LMO7: variants seen among roughly 807,000 people sequenced by gnomAD.
LMO7 encodes LIM domain 7.
A neutral mutation model predicts 206.5 loss-of-function variants in LMO7; 120 were observed. The ratio of observed to expected loss-of-function variants is 0.58; its 90% CI spans 0.50 to 0.68. The LOEUF is 0.68. Among genes scored for constraint, LMO7 ranks in the 30% least tolerant of loss-of-function variants. The pLI, the probability that LMO7 is intolerant of heterozygous loss-of-function variation, is 0.00. For missense variants in LMO7, 1,959 were observed against 1,957.9 expected (o/e 1.00, Z -0.01); for synonymous variants, 706 against 681.5 (o/e 1.04, Z -0.56).
chr13:75,836,520 C>G, intron 19 of LMO7, 63 bp downstream of exon 19: 1 of 856,236 alleles, frequency 1.2e-6, no homozygotes, highest in Non-Finnish European at 1.8e-6. Context: ...TCAAGTTCTG[C>G]TGTTATAAAA....
chr13:75,662,186 C>A (rs1249659515), intron 1 of LMO7, among the ~76,000 whole-genome samples: 1 of 152,102 alleles, frequency 6.6e-6, no homozygotes, highest in Non-Finnish European at 1.5e-5. Context: ...GCTATGGATT[C>A]TTTTATTAAA....
chr13:75,802,567 G>A (rs913964104), intron 7 of LMO7, among the ~76,000 whole-genome samples: 2 of 152,154 alleles, frequency 1.3e-5, no homozygotes, highest in African/African-American at 4.8e-5. Context: ...CCCACCCAGC[G>A]GTGTGGAATC....
In LMO7 at chr13:75,840,425, G is replaced by C. The variant is rs368955588; in HGVS notation, c.3512G>C (p.Trp1171Ser). Reference sequence around the variant, plus strand: ...CCAACCATCAGTGCCCCGAGTCGCTGGGTGTGGGATCAAGAGGAGGAGCGG... The same window carrying C: ...CCAACCATCAGTGCCCCGAGTCGCTCGGTGTGGGATCAAGAGGAGGAGCGG... The part of the protein sequence containing the change: ...PVPTISAPSR[W>S]VWDQEEERKR... The change falls in exon 22 of 31, where the codon TGG (tryptophan) becomes TCG (serine). Residue 1171 changes from tryptophan to serine, a missense_variant. By Grantham distance (177) the Trp-to-Ser change is radical. Coordinates refer to ENST00000377534, the MANE Select transcript of LMO7 (RefSeq NM_001306080.2). 1.0e-4 allele frequency: 165 copies of C among 1,613,950 alleles called. No homozygotes were observed. Among genetic ancestry groups the C allele is most frequent in the Non-Finnish European group, 1.4e-4 (160 of 1,180,008 alleles).
chr13:75,791,398 C>T (rs1180670632), intron 4 of LMO7, among the ~76,000 whole-genome samples: 1 of 152,176 alleles, frequency 6.6e-6, no homozygotes, highest in African/African-American at 2.4e-5. Flanking sequence ...TAATTGTTCT[C>T]TGACATTGTA....
At chr13:75,791,363 A>G (rs921608306) in intron 4 of LMO7, among the ~76,000 whole-genome samples, 2 of 152,164 alleles carry the variant, frequency 1.3e-5, no homozygotes, top group African/African-American at 4.8e-5. Context: ...GAAATTGGAC[A>G]TATTTGAAGT....
intron 1 of LMO7, among the ~76,000 whole-genome samples, chr13:75,680,750 G>T (rs1228612812): frequency 6.6e-6 from 1 of 151,900 alleles, no homozygotes; most frequent in Admixed American, 6.6e-5. Flanking sequence ...GCCCCAGTGT[G>T]TGATGTTCCC....
At chr13:75,830,348 A>C (rs1465937774) in intron 15 of LMO7, among the ~76,000 whole-genome samples, 1 of 152,136 alleles carries the variant, frequency 6.6e-6, no homozygotes, top group Admixed American at 6.6e-5. Context: ...CACCCACTTT[A>C]ATCCTTCTGT....
At chr13:75,744,258 G>A (rs532557193) in intron 3 of LMO7, among the ~76,000 whole-genome samples, 5 of 152,208 alleles carry the variant, frequency 3.3e-5, no homozygotes, top group African/African-American at 9.6e-5. Context: ...CCCTCATGAC[G>A]TGGCACTGCA....
At chr13:75,656,265 C>T (rs1261343481) in intron 1 of LMO7, among the ~76,000 whole-genome samples, 1 of 152,152 alleles carries the variant, frequency 6.6e-6, no homozygotes, top group Non-Finnish European at 1.5e-5. Context: ...TTGCCTGGAA[C>T]TGTGGGTCCA....
At chr13:75,636,749 C>G (rs1476468168) in intron 1 of LMO7, 23 bp downstream of exon 1, 5 of 1,594,924 alleles carry the variant, frequency 3.1e-6, no homozygotes, top group Admixed American at 1.7e-5. Context: ...CACTGCTTTC[C>G]CTTCCGCAGG....
intron 1 of LMO7, among the ~76,000 whole-genome samples, chr13:75,677,210 C>T (rs548713601): frequency 1.3e-5 from 2 of 152,086 alleles, no homozygotes; most frequent in South Asian, 4.1e-4. Context: ...GGACCATCCT[C>T]TACAAAAATC....
chr13:75,692,901 T>C (rs952078458), intron 1 of LMO7, among the ~76,000 whole-genome samples: 4 of 152,174 alleles, frequency 2.6e-5, no homozygotes, highest in African/African-American at 9.7e-5. Context: ...AAAGAAGGCT[T>C]TTAGGCAAAT....
At chr13:75,839,947 T>C in intron 20 of LMO7, 138 bp from the exon 21 acceptor site, 1 of 727,858 alleles carries the variant, frequency 1.4e-6, no homozygotes. Flanking sequence ...ATTTACTGAC[T>C]ATTGTTTAAA....
chr13:75,755,121 G>A (rs1008529276), intron 3 of LMO7, among the ~76,000 whole-genome samples: 7 of 152,052 alleles, frequency 4.6e-5, no homozygotes, highest in African/African-American at 1.2e-4. Flanking sequence ...GGAGGCTTGA[G>A]TAGGAGACAG....
chr13:75,665,093 T>A (rs1228229394), intron 1 of LMO7, among the ~76,000 whole-genome samples: 1 of 152,184 alleles, frequency 6.6e-6, no homozygotes, highest in Non-Finnish European at 1.5e-5. Context: ...TTTTTAGTAC[T>A]GTTTATTTTT....
intron 3 of LMO7, among the ~76,000 whole-genome samples, chr13:75,729,104 A>C (rs2044819860): frequency 6.6e-6 from 1 of 151,070 alleles, no homozygotes; most frequent in African/African-American, 2.4e-5. Flanking sequence ...TGACTTGGTG[A>C]TGCGGGCTCT....
chr13:75,732,127 A>G lies in LMO7; in HGVS notation c.210+5029A>G, dbSNP rs140607163. 7.7e-3 allele frequency among the ~76,000 whole-genome samples: 1,164 copies of G among 152,074 alleles called. 16 individuals are homozygous for G. Among genetic ancestry groups the G allele is most frequent in the African/African-American group, 0.026 (1,078 of 41,480 alleles). ...CTTAGAGTTGCTCTTCTCGAGGAGT[A>G]TCTCTGTGGCGTCCTCTGTATTTCC... On this transcript the variant is annotated intron_variant, in intron 3 of 30. Coordinates refer to ENST00000377534, the MANE Select transcript of LMO7 (RefSeq NM_001306080.2).
At chr13:75,632,960 C>G (rs567146213), upstream of LMO7, among the ~76,000 whole-genome samples, 599 of 144,986 alleles carry the variant, frequency 4.1e-3, 8 homozygotes, top group Non-Finnish European at 5.0e-3. Context: ...CTCCTGGGTT[C>G]AAGTGATTCT....
chr13:75,778,524 G>A lies in LMO7; in HGVS notation c.318-16877G>A, dbSNP rs549979910. 3.9e-5 allele frequency among the ~76,000 whole-genome samples: 6 copies of A among 152,354 alleles called. No individual in the cohort carries two copies. The East Asian group carries it at 5.8e-4, about 15-fold the overall frequency. The stretch of plus-strand genomic sequence containing the variant: ...TGGGATTACAGGCGTGAGCCACTGC[G>A]CCCGGCCAATCGAGTGCCTTTTAAC... On this transcript the variant is annotated intron_variant, in intron 4 of 30. Transcript: ENST00000377534.
Sources: allele counts gnomAD v4.1 joint callset (sites outside exome capture counted in the v4.1 genomes callset), GRCh38; gene constraint gnomAD v4.1.1; transcripts MANE v1.5; gene names NCBI Gene and HGNC (gene_info 2026-07-23, HGNC 2026-07-21).